NR2C1: variants seen among roughly 807,000 people sequenced by gnomAD.
The protein encoded by NR2C1 is TR2 nuclear hormone receptor.
In NR2C1, 33 loss-of-function variants were observed where a neutral mutation model predicts 74.8. The ratio of observed to expected loss-of-function variants is 0.44; its 90% CI spans 0.33 to 0.59. The LOEUF (loss-of-function observed/expected upper bound fraction) is 0.59. Among genes scored for constraint, NR2C1 ranks in the 20% least tolerant of loss-of-function variants. The pLI is 0.02. For missense variants in NR2C1, 568 were observed against 715.6 expected (o/e 0.79, Z 2.35); for synonymous variants, 225 against 240.6 (o/e 0.94, Z 0.60).
chr12:95,031,077 C>CT (rs964615282), intron 11 of NR2C1, among the ~76,000 whole-genome samples: 3 of 152,152 alleles, frequency 2.0e-5, no homozygotes, highest in Non-Finnish European at 4.4e-5. Flanking sequence ...ACCCTGGATT[C>CT]TTTGATAGTT....
intron 7 of NR2C1, among the ~76,000 whole-genome samples, chr12:95,053,723 C>T (rs147092843): frequency 0.022 from 2,584 of 120,174 alleles, 69 homozygotes; most frequent in African/African-American, 0.077. Context: ...CTTACTCTGT[C>T]GCCAGGCTGG....
chr12:95,025,078 GTAA>G (rs545232113), intron 13 of NR2C1, 69 bp downstream of exon 13: 26 of 640,066 alleles, frequency 4.1e-5, no homozygotes, highest in Non-Finnish European at 5.7e-5. Flanking sequence ...TGTGAGAGTA[GTAA>G]TAATGAGATA....
intron 12 of NR2C1, among the ~76,000 whole-genome samples, chr12:95,026,598 A>G (rs1187823388): frequency 6.6e-6 from 1 of 152,218 alleles, no homozygotes; most frequent in Non-Finnish European, 1.5e-5. Context: ...TTTTCACCTA[A>G]GGAAAATAAA....
chr12:95,067,633 G>A (rs1262084722), intron 1 of NR2C1, among the ~76,000 whole-genome samples: 2 of 151,064 alleles, frequency 1.3e-5, no homozygotes, highest in African/African-American at 2.4e-5. Flanking sequence ...GCACCATCAC[G>A]GCTCACTGCA....
At chr12:95,022,893 G>A (rs866605623) in intron 13 of NR2C1, among the ~76,000 whole-genome samples, 41 of 150,162 alleles carry the variant, frequency 2.7e-4, no homozygotes, top group African/African-American at 8.3e-4. Flanking sequence ...TGTAGAGACA[G>A]GGTCTCACTA....
chr12:95,057,985 T>C (rs1874177521), intron 5 of NR2C1, 107 bp from the exon 6 acceptor site: 1 of 931,436 alleles, frequency 1.1e-6, no homozygotes, highest in East Asian at 2.4e-5. Context: ...ATGGCTACCA[T>C]ACTAAACTCC....
chr12:95,071,615 T>G (rs1264378739), intron 1 of NR2C1, among the ~76,000 whole-genome samples: 1 of 152,054 alleles, frequency 6.6e-6, no homozygotes, highest in African/African-American at 2.4e-5. Context: ...GAGGATAGCT[T>G]GAGGCCAGAG....
chr12:95,063,518 G>A (rs1396925889), intron 2 of NR2C1, among the ~76,000 whole-genome samples: 2 of 152,156 alleles, frequency 1.3e-5, no homozygotes, highest in Non-Finnish European at 1.5e-5. Context: ...CAAAGGGTTT[G>A]GAGCAGAGGA....
chr12:95,049,267 C>T (rs200431176), intron 8 of NR2C1, 34 bp from the exon 9 acceptor site: 42 of 1,574,298 alleles, frequency 2.7e-5, no homozygotes, highest in Non-Finnish European at 3.5e-5. Context: ...TGAGCTTGAC[C>T]AAACACCGCA....
intron 11 of NR2C1, among the ~76,000 whole-genome samples, 162 bp downstream of exon 11, chr12:95,031,187 T>TTA (rs917317860): frequency 1.3e-5 from 2 of 152,126 alleles, no homozygotes; most frequent in African/African-American, 2.4e-5. Flanking sequence ...TTTTAGAGGA[T>TTA]TAGTAAATTT....
rs559378149 is a variant in NR2C1 at position 95,041,361 on chromosome 12, A to T, written c.1132-764T>A. ...AAAAATTGAGCCGTGTGTGGTGAGCAGTCCCAGCTACCCGGGAGGCTGAGG... is the reference window on the plus strand; with the variant it reads ...AAAAATTGAGCCGTGTGTGGTGAGCTGTCCCAGCTACCCGGGAGGCTGAGG... On this transcript the variant is annotated intron_variant, in intron 9 of 13. Transcript: ENST00000333003. Among the ~76,000 whole-genome samples, 3 of 152,168 alleles carry T rather than the reference A, an allele frequency of 2.0e-5. No homozygotes were observed. In the East Asian group the frequency reaches 5.8e-4, roughly 29 times the overall value.
chr12:95,037,894 C>CAAAAAA (rs988473049), intron 10 of NR2C1, among the ~76,000 whole-genome samples: 2 of 67,066 alleles, frequency 3.0e-5, no homozygotes, highest in East Asian at 4.4e-4. Flanking sequence ...GCCTCCATCT[C>CAAAAAA]AAAAAAAAAA....
chr12:95,049,233 C>T lies in NR2C1; in HGVS notation c.966G>A (p.Arg322=), dbSNP rs1872676543. ...ATGCTTTTGCAAGAGTGTCAAATGC[C>T]CTGTATGAAGACATCAGAAGCTATG... ...QEMQTNGDVS[R]AFDTLAKALN... is the part of the protein sequence containing the mutation. The change falls in exon 9 of 14, where the codon AGG becomes AGA. Residue 322 remains arginine (R), a splice_region_variant and synonymous_variant. Transcript: ENST00000333003. The T allele has an allele frequency of 1.2e-6, 2 of 1,612,946 alleles. No individual in the cohort carries two copies. The highest frequency in any genetic ancestry group is 2.7e-5 in the African/African-American group (2 of 74,836).
intron 11 of NR2C1, chr12:95,030,946 C>T: frequency 8.7e-7 from 1 of 1,150,662 alleles, no homozygotes; most frequent in Admixed American, 2.0e-5. Flanking sequence ...AGAATACACT[C>T]TGATGAATTG....
chr12:95,030,919 A>C (rs151287872), intron 11 of NR2C1: 1 of 1,421,534 alleles, frequency 7.0e-7, no homozygotes. Context: ...CTGACTCTTC[A>C]GAACTATTTA....
At position 95,044,932 on chromosome 12, in the gene NR2C1, G is replaced by A. The variant is rs10161176; in HGVS notation, c.1131+4136C>T. ...TTGGAGGCTGAGCACAAGCACAGTGGCTCAGGCCTATAATCTCAGCACTTT... is the reference window on the plus strand; with the variant it reads ...TTGGAGGCTGAGCACAAGCACAGTGACTCAGGCCTATAATCTCAGCACTTT... On this transcript the variant is annotated intron_variant, in intron 9 of 13. Transcript: ENST00000333003. Among the ~76,000 whole-genome samples the A allele has an allele frequency of 8.6e-3, 1,304 of 152,146 alleles. 18 individuals carry two copies. The highest frequency in any genetic ancestry group is 0.029 in the African/African-American group (1,195 of 41,436).
intron 9 of NR2C1, among the ~76,000 whole-genome samples, chr12:95,043,566 G>T (rs901165590): frequency 6.6e-6 from 1 of 151,022 alleles, no homozygotes; most frequent in Non-Finnish European, 1.5e-5. Context: ...GTGTGTGCCT[G>T]TAATCCCAGC....
At chr12:95,037,188 C>G (rs1870954180) in intron 10 of NR2C1, among the ~76,000 whole-genome samples, 1 of 152,118 alleles carries the variant, frequency 6.6e-6, no homozygotes, top group African/African-American at 2.4e-5. Context: ...CATACTTACT[C>G]CAGGCAAATC....
At chr12:95,031,270 A>T in intron 11 of NR2C1, 79 bp downstream of exon 11, 1 of 1,198,514 alleles carries the variant, frequency 8.3e-7, no homozygotes, top group Non-Finnish European at 1.1e-6. Flanking sequence ...ATTATTAGAT[A>T]TCTAACTTTA....
Sources: allele counts gnomAD v4.1 joint callset (sites outside exome capture counted in the v4.1 genomes callset), GRCh38; gene constraint gnomAD v4.1.1; transcripts MANE v1.5; gene names NCBI Gene and HGNC (gene_info 2026-07-23, HGNC 2026-07-21).